The following VPS35L variants were observed in gnomAD, a reference collection of about 807,000 sequenced individuals.
The protein encoded by VPS35L is VPS35 endosomal protein-sorting factor-like.
A neutral mutation model predicts 133.0 loss-of-function variants in VPS35L; 83 were observed. The observed-to-expected ratio is 0.62, with a 90% CI of 0.52 to 0.75. The LOEUF is 0.75. Among genes scored for constraint, VPS35L ranks in the 30% least tolerant of loss-of-function variants. The pLI is 0.00. For missense variants in VPS35L, 1,083 were observed against 1,206.8 expected, an observed-to-expected ratio of 0.90 and a Z score of 1.52; for synonymous variants, 423 against 449.9, an observed-to-expected ratio of 0.94 and a Z score of 0.76.
rs201038834 is a variant in VPS35L, at chr16:19,674,184, CTTTTTTT to C, written c.2361+4904_2361+4910del. ...TACCTGGTTCAGTTTTTTTCTTTTT[CTTTTTTT>C]TTTTTTTTTTTTTTTTTTGGAGAAT... is the stretch of plus-strand genomic sequence containing the variant. On this transcript the variant is annotated intron_variant, in intron 27 of 30. Transcript: ENST00000417362. Among the ~76,000 whole-genome samples, 194 of 70,906 alleles carry C rather than the reference CTTTTTTT, an allele frequency of 2.7e-3. 3 individuals are homozygous for C. The East Asian group carries it at 0.047, about 17-fold the overall frequency. 46.5% of individuals were successfully genotyped at this position (70,906 alleles called of 152,430 possible).
chr16:19,597,376 A>G (rs1972250246), intron 8 of VPS35L, among the ~76,000 whole-genome samples: 1 of 151,640 alleles, frequency 6.6e-6, no homozygotes, highest in East Asian at 1.9e-4. Context: ...AAAGAAGAAA[A>G]AAAAAAAAAG....
intron 26 of VPS35L, among the ~76,000 whole-genome samples, chr16:19,653,333 A>T (rs1192191151): frequency 6.6e-6 from 1 of 152,240 alleles, no homozygotes; most frequent in East Asian, 1.9e-4. Context: ...CACAGAGGGT[A>T]AAAGAAATCT....
At chr16:19,679,638 G>A (rs1975197079) in intron 27 of VPS35L, among the ~76,000 whole-genome samples, 1 of 151,876 alleles carries the variant, frequency 6.6e-6, no homozygotes, top group South Asian at 2.1e-4. Context: ...CTGAGTAGCT[G>A]GGATTACAGG....
intron 8 of VPS35L, among the ~76,000 whole-genome samples, chr16:19,596,238 T>G (rs1027126255): frequency 2.0e-5 from 3 of 151,748 alleles, no homozygotes; most frequent in Non-Finnish European, 4.4e-5. Flanking sequence ...AAGCACCTAC[T>G]TTATTTCTCT....
intron 26 of VPS35L, among the ~76,000 whole-genome samples, chr16:19,654,474 G>T (rs370566854): frequency 1.3e-5 from 2 of 151,184 alleles, no homozygotes; most frequent in African/African-American, 4.9e-5. Flanking sequence ...CACAACAATC[G>T]CATGAACCTG....
chr16:19,671,151 T>G (rs774042357), intron 27 of VPS35L, among the ~76,000 whole-genome samples: 1 of 152,194 alleles, frequency 6.6e-6, no homozygotes, highest in Non-Finnish European at 1.5e-5. Flanking sequence ...TTTAGTCTTA[T>G]GTGTTTTATT....
At chr16:19,665,204 T>C (rs1974624321) in intron 26 of VPS35L, among the ~76,000 whole-genome samples, 1 of 152,228 alleles carries the variant, frequency 6.6e-6, no homozygotes, top group Non-Finnish European at 1.5e-5. Flanking sequence ...CTTTCAGTTA[T>C]TTTTAAATGT....
At chr16:19,698,204 G>A (rs191019199) in intron 29 of VPS35L, among the ~76,000 whole-genome samples, 4 of 152,258 alleles carry the variant, frequency 2.6e-5, no homozygotes, top group East Asian at 1.9e-4. Context: ...TTGCATTTCC[G>A]TGTGATCATG....
In VPS35L at chr16:19,639,023, G is replaced by A. The variant is rs758463562; in HGVS notation, c.1699-992G>A. On this transcript the variant is annotated intron_variant, in intron 20 of 30. Transcript: ENST00000417362. The surrounding 1 kb of genome is among the most constrained non-coding windows in gnomAD (Gnocchi z 4.1). ...GGGGAGGCTGAGGTTGCAGTGAACCGAGATTGCACCAGGGCACTCGAGCCT... is the reference window on the plus strand; with the variant it reads ...GGGGAGGCTGAGGTTGCAGTGAACCAAGATTGCACCAGGGCACTCGAGCCT... Among the ~76,000 whole-genome samples the A allele has an allele frequency of 7.9e-5, 12 of 152,112 alleles. No individual in the cohort carries two copies. Among genetic ancestry groups the A allele is most frequent in the Admixed American group, 5.2e-4 (8 of 15,264 alleles).
chr16:19,647,794 G>A lies in VPS35L; in HGVS notation c.1940G>A (p.Gly647Asp), dbSNP rs141537550. 815 of 1,613,838 alleles carry A rather than the reference G, an allele frequency of 5.1e-4. No individual in the cohort carries two copies. The highest frequency in any genetic ancestry group is 6.5e-4 in the Non-Finnish European group (768 of 1,179,892). The change falls in exon 24 of 31, where the codon GGC becomes GAC. Residue 647 changes from glycine to aspartate, a missense_variant. By Grantham distance (94) the Gly-to-Asp change is moderately conservative. Coordinates refer to ENST00000417362, the MANE Select transcript of VPS35L (RefSeq NM_020314.7). Reference sequence around the variant, plus strand: ...TCTCCTTGATTCTAGGTTTCCTTTGGCCGTGATTTTGAACAACAGCTGAGT... The same window carrying A: ...TCTCCTTGATTCTAGGTTTCCTTTGACCGTGATTTTGAACAACAGCTGAGT... ...INGFIKMVSF[G>D]RDFEQQLSFY... is the part of the protein sequence containing the mutation.
rs1182015325 is a variant in VPS35L at position 19,624,107 on chromosome 16, C to CTTT, written c.1225-2045_1225-2043dup. Among the ~76,000 whole-genome samples, 155 of 65,864 alleles carry CTTT rather than the reference C, an allele frequency of 2.4e-3. 25 individuals are homozygous for CTTT. Among genetic ancestry groups the CTTT allele is most frequent in the African/African-American group, 8.9e-3 (147 of 16,482 alleles). The allele number at this position is 65,864 out of a possible 152,430, so 43.2% of individuals were successfully genotyped here. On this transcript the variant is annotated intron_variant, in intron 14 of 30. Coordinates refer to ENST00000417362, the MANE Select transcript of VPS35L (RefSeq NM_020314.7). ...GCATGAGCCATCGTGCCTACCAGGT[C>CTTT]TTTTTTTTTTTTTTTTTTTTTTTTT...
chr16:19,620,761 G>A (rs145309698), intron 14 of VPS35L, among the ~76,000 whole-genome samples: 7,685 of 152,102 alleles, frequency 0.051, 624 homozygotes, highest in African/African-American at 0.17. Context: ...GACCAGCCTG[G>A]CCAACATGGC....
chr16:19,579,694 T>TA (rs1313727624), intron 6 of VPS35L: 2 of 150,854 alleles, frequency 1.3e-5, no homozygotes, highest in Admixed American at 6.6e-5. Context: ...AGACTTTGTC[T>TA]AAAAAAAATA....
chr16:19,662,620 C>CGGTCTT (rs1974524792), intron 26 of VPS35L, among the ~76,000 whole-genome samples: 2 of 152,116 alleles, frequency 1.3e-5, no homozygotes, highest in Non-Finnish European at 2.9e-5. Context: ...GATCAAAGGT[C>CGGTCTT]GGTCTTAGGA....
At chr16:19,661,544 G>C (rs62024094) in intron 26 of VPS35L, among the ~76,000 whole-genome samples, 8,570 of 152,236 alleles carry the variant, frequency 0.056, 466 homozygotes, top group East Asian at 0.22. Flanking sequence ...ACAGGAGCTC[G>C]AAGAGGCCCC....
intron 8 of VPS35L, among the ~76,000 whole-genome samples, chr16:19,596,644 A>G (rs747968503): frequency 5.3e-5 from 8 of 152,102 alleles, no homozygotes; most frequent in Admixed American, 1.3e-4. Context: ...AGCAAACTAT[A>G]AGAAGCAACT....
chr16:19,584,313 T>C (rs1218857292), intron 7 of VPS35L, among the ~76,000 whole-genome samples: 1 of 152,198 alleles, frequency 6.6e-6, no homozygotes, highest in African/African-American at 2.4e-5. Flanking sequence ...TAATTTGCAT[T>C]TCCACCCATA....
At chr16:19,567,797 C>A (rs529312575) in intron 2 of VPS35L, among the ~76,000 whole-genome samples, 1 of 152,138 alleles carries the variant, frequency 6.6e-6, no homozygotes, top group Non-Finnish European at 1.5e-5. Flanking sequence ...AGTGATACCC[C>A]ACTTCTACAA....
chr16:19,678,901 A>T (rs1178645757), intron 27 of VPS35L, among the ~76,000 whole-genome samples: 3 of 152,130 alleles, frequency 2.0e-5, no homozygotes, highest in South Asian at 2.1e-4. Flanking sequence ...GCAAAAGCTC[A>T]CGGAAATGGC....
Sources: allele counts gnomAD v4.1 joint callset (sites outside exome capture counted in the v4.1 genomes callset), GRCh38; gene constraint gnomAD v4.1.1; non-coding constraint Gnocchi (gnomAD v3.1); transcripts MANE v1.5; gene names NCBI Gene and HGNC (gene_info 2026-07-23, HGNC 2026-07-21).